The following MTR variants were observed in gnomAD, a reference collection of about 807,000 sequenced individuals.
MTR encodes the protein methionine synthase.
In MTR, 84 loss-of-function variants were observed where a neutral mutation model predicts 154.8. That is an observed-to-expected ratio of 0.54 (90% CI 0.45 to 0.65). The LOEUF is 0.65. Ranked by LOEUF, MTR falls within the 30% of genes least tolerant of loss-of-function variation. MTR has a pLI of 0.00. For missense variants in MTR, 1,275 were observed against 1,570.2 expected, an observed-to-expected ratio of 0.81 and a Z score of 3.18; for synonymous variants, 554 against 553.9, an observed-to-expected ratio of 1.00 and a Z score of 0.00.
At chr1:236,876,992 C>G (rs1287021370) in intron 24 of MTR, among the ~76,000 whole-genome samples, 1 of 152,234 alleles carries the variant, frequency 6.6e-6, no homozygotes, top group Admixed American at 6.5e-5. Flanking sequence ...CCTGCCTCTT[C>G]TGGTTCTCTT....
Position 236,795,701 on chromosome 1 carries a change from A to C in MTR, c.-3A>C, listed in dbSNP as rs959012742. On this transcript the variant is annotated 5_prime_UTR_variant, in exon 1 of 33. Coordinates refer to ENST00000366577, the MANE Select transcript of MTR (RefSeq NM_000254.3). ...CCTCTGCGCAAGGAGGAGACTCGACAACATGTCACCCGCGCTCCAAGACCT... is the reference window on the plus strand; with the variant it reads ...CCTCTGCGCAAGGAGGAGACTCGACCACATGTCACCCGCGCTCCAAGACCT... The C allele has an allele frequency of 1.2e-6, 2 of 1,614,144 alleles. No homozygotes were observed. Among genetic ancestry groups the C allele is most frequent in the East Asian group, 2.2e-5 (1 of 44,880 alleles).
chr1:236,812,207 G>A (rs1661345956), intron 5 of MTR, among the ~76,000 whole-genome samples: 2 of 152,242 alleles, frequency 1.3e-5, no homozygotes, highest in South Asian at 2.1e-4. Flanking sequence ...ATTTTACCTA[G>A]GAGTGATTGA....
In MTR at chr1:236,826,867, A is replaced by G. The variant is rs1387436456; in HGVS notation, c.966A>G (p.Gly322=). The change falls in exon 11 of 33, where the codon GGA becomes GGG. Residue 322 remains glycine, a synonymous_variant. Transcript: ENST00000366577. The part of the protein sequence containing the change: ...AMDGLVNIVG[G]CCGSTPDHIR... ...ATGGCTTGGTCAATATAGTTGGAGG[A>G]TGCTGTGGGTCAACACCAGATCATA... The G allele has an allele frequency of 8.7e-6, 14 of 1,614,098 alleles. No homozygotes were observed. The highest frequency in any genetic ancestry group is 1.1e-5 in the Non-Finnish European group (13 of 1,179,978).
At chr1:236,813,144 A>G (rs751435709) in intron 6 of MTR, among the ~76,000 whole-genome samples, 2 of 150,512 alleles carry the variant, frequency 1.3e-5, no homozygotes, top group Non-Finnish European at 2.9e-5. Flanking sequence ...TGAAAGATAC[A>G]TAAATATATG....
chr1:236,818,451 G>C (rs1661728758), intron 8 of MTR, among the ~76,000 whole-genome samples: 1 of 152,208 alleles, frequency 6.6e-6, no homozygotes, highest in Non-Finnish European at 1.5e-5. Context: ...GGAGCCCCAA[G>C]ATGAGGTTTT....
At chr1:236,829,033 A>G (rs535207635) in intron 11 of MTR, among the ~76,000 whole-genome samples, 156 bp from the exon 12 acceptor site, 16 of 152,326 alleles carry the variant, frequency 1.1e-4, no homozygotes, top group African/African-American at 3.6e-4. Flanking sequence ...ACTAAAAGGC[A>G]TGATTGTTGC....
At chr1:236,882,391 A>C (rs1295693223) in intron 25 of MTR, among the ~76,000 whole-genome samples, 1 of 134,408 alleles carries the variant, frequency 7.4e-6, no homozygotes. Flanking sequence ...CCCCTTCACC[A>C]TTTTTTTTTT....
intron 26 of MTR, among the ~76,000 whole-genome samples, chr1:236,885,798 G>T (rs1665979417): frequency 6.6e-6 from 1 of 152,170 alleles, no homozygotes; most frequent in Admixed American, 6.5e-5. Flanking sequence ...AGCATTTTGG[G>T]AGTTGCTAGG....
intron 6 of MTR, 115 bp from the exon 7 acceptor site, chr1:236,815,489 T>C: frequency 1.0e-6 from 1 of 997,830 alleles, no homozygotes; most frequent in East Asian, 2.4e-5. Context: ...CCAGAGAGCT[T>C]GATGTATATC....
intron 22 of MTR, among the ~76,000 whole-genome samples, chr1:236,865,148 A>G (rs1664755696): frequency 6.6e-6 from 1 of 152,210 alleles, no homozygotes; most frequent in South Asian, 2.1e-4. Context: ...AGTTGTGAAG[A>G]CTGCGTATTA....
intron 22 of MTR, among the ~76,000 whole-genome samples, chr1:236,865,438 A>G (rs1664771961): frequency 6.6e-6 from 1 of 152,266 alleles, no homozygotes; most frequent in Admixed American, 6.5e-5. Flanking sequence ...TTTTACTGTC[A>G]GTACCAGGCT....
Position 236,859,877 on chromosome 1 carries a change from G to C in MTR, c.1998G>C (p.Trp666Cys), listed in dbSNP as rs1431166735. ...AGAAAGTCATTCAGACTGATGAGTGGAGAAATGGCCCTGTCGAAGAACGCC... is the reference window on the plus strand; with the variant it reads ...AGAAAGTCATTCAGACTGATGAGTGCAGAAATGGCCCTGTCGAAGAACGCC... ...GGKKVIQTDEWRNGPVEERLE... is the reference protein window; with the variant it reads ...GGKKVIQTDECRNGPVEERLE... The change falls in exon 19 of 33, where the codon TGG (tryptophan) becomes TGC (cysteine). Residue 666 changes from tryptophan (W) to cysteine (C), a missense_variant. Transcript: ENST00000366577. 1 of 1,614,046 alleles carries C rather than the reference G, an allele frequency of 6.2e-7. No homozygotes were observed. Among genetic ancestry groups the C allele is most frequent in the Non-Finnish European group, 8.5e-7 (1 of 1,179,944 alleles).
upstream of MTR, chr1:236,795,289 C>T (rs984368540): frequency 9.9e-6 from 12 of 1,207,872 alleles, no homozygotes; most frequent in Admixed American, 2.9e-4. Flanking sequence ...ATAGATTGAG[C>T]GCAGAACTAA....
intron 8 of MTR, chr1:236,819,974 G>A (rs913581273): frequency 7.0e-6 from 8 of 1,150,666 alleles, no homozygotes; most frequent in Non-Finnish European, 9.1e-6. Flanking sequence ...ACCAGATCCA[G>A]GCAGCCTTCC....
chr1:236,889,511 T>C (rs1359599144), intron 28 of MTR, among the ~76,000 whole-genome samples, 175 bp downstream of exon 28: 3 of 152,226 alleles, frequency 2.0e-5, no homozygotes, highest in African/African-American at 7.2e-5. Context: ...TTGGTCCTTA[T>C]TGCATCAACT....
intron 1 of MTR, chr1:236,800,407 A>C: frequency 2.0e-6 from 2 of 985,392 alleles, no homozygotes; most frequent in Non-Finnish European, 2.4e-6. Flanking sequence ...ACTTAAGTTC[A>C]CGTGATGTCA....
chr1:236,850,099 A>G (rs746620382), intron 15 of MTR, among the ~76,000 whole-genome samples: 1 of 152,146 alleles, frequency 6.6e-6, no homozygotes, highest in Non-Finnish European at 1.5e-5. Flanking sequence ...ACACAAAGAG[A>G]TCTTTAAACC....
intron 22 of MTR, among the ~76,000 whole-genome samples, chr1:236,863,832 A>T (rs767143085): frequency 5.3e-5 from 8 of 152,198 alleles, no homozygotes; most frequent in Non-Finnish European, 1.2e-4. Flanking sequence ...CTGGGGTTGG[A>T]TGTTGGGACA....
chr1:236,808,811 C>G (rs776127156), intron 4 of MTR, 38 bp downstream of exon 4: 1 of 1,579,090 alleles, frequency 6.3e-7, no homozygotes, highest in East Asian at 2.2e-5. Context: ...ACACGTGGTT[C>G]CTTTGATACT....
Sources: allele counts gnomAD v4.1 joint callset (sites outside exome capture counted in the v4.1 genomes callset), GRCh38; gene constraint gnomAD v4.1.1; transcripts MANE v1.5; gene names NCBI Gene and HGNC (gene_info 2026-07-23, HGNC 2026-07-21).